The following TIAM2 variants were observed in gnomAD, a reference collection of about 807,000 sequenced individuals.
TIAM2 encodes TIAM Rac1 associated GEF 2.
TIAM2 carries 80 observed loss-of-function variants against 152.9 expected under a neutral mutation model. That is an observed-to-expected ratio of 0.52 (90% CI 0.44 to 0.63). The LOEUF is 0.63. Ranked by LOEUF, TIAM2 falls within the 30% of genes least tolerant of loss-of-function variation. The pLI is 0.00. For synonymous variants in TIAM2, 804 were observed against 838.0 expected (o/e 0.96, Z 0.70); for missense variants, 1,965 against 2,120.1 (o/e 0.93, Z 1.44).
chr6:155,029,992 C>T (rs543437225), intron 1 of TIAM2, among the ~76,000 whole-genome samples: 1 of 151,806 alleles, frequency 6.6e-6, no homozygotes, highest in Non-Finnish European at 1.5e-5. Context: ...GGGGGTCTCA[C>T]CATGTTGCCC....
intron 14 of TIAM2, among the ~76,000 whole-genome samples, chr6:155,193,494 G>T (rs2115170756): frequency 6.6e-6 from 1 of 152,204 alleles, no homozygotes; most frequent in Middle Eastern, 3.4e-3. Context: ...GATTTTTGTT[G>T]GACAGTTTGA....
intron 10 of TIAM2, 42 bp from the exon 11 acceptor site, chr6:155,178,997 A>G (rs183583749): frequency 5.5e-6 from 8 of 1,455,812 alleles, no homozygotes; most frequent in Middle Eastern, 3.5e-4. Context: ...ATGGATTTAG[A>G]AAGAGCATTT....
intron 2 of TIAM2, among the ~76,000 whole-genome samples, chr6:155,100,581 A>G (rs541505233): frequency 2.0e-5 from 3 of 152,188 alleles, no homozygotes; most frequent in Non-Finnish European, 4.4e-5. Flanking sequence ...TCATGCATGC[A>G]GTTACTTAAC....
At chr6:155,171,576 A>C (rs966786575) in intron 9 of TIAM2, among the ~76,000 whole-genome samples, 1 of 152,270 alleles carries the variant, frequency 6.6e-6, no homozygotes. Context: ...AAAAAACCCC[A>C]AAAAACCCCA....
chr6:155,249,481 C>T (rs1034644905), intron 20 of TIAM2, among the ~76,000 whole-genome samples: 9 of 152,180 alleles, frequency 5.9e-5, no homozygotes, highest in African/African-American at 2.2e-4. Context: ...CTTTTCTCAT[C>T]TGTAAAATGG....
chr6:155,233,712 T>C (rs1782587970), intron 15 of TIAM2, among the ~76,000 whole-genome samples: 2 of 152,170 alleles, frequency 1.3e-5, no homozygotes, highest in Admixed American at 1.3e-4. Context: ...CTCACGCCTA[T>C]AATCCCAGCA....
intron 25 of TIAM2, 134 bp from the exon 26 acceptor site, chr6:155,254,285 A>T: frequency 8.3e-7 from 1 of 1,199,400 alleles, no homozygotes; most frequent in Non-Finnish European, 1.2e-6. Flanking sequence ...GGGAGGCCAC[A>T]TGGCACTGCT....
chr6:155,224,280 T>C (rs918122728), intron 15 of TIAM2, among the ~76,000 whole-genome samples: 1 of 152,202 alleles, frequency 6.6e-6, no homozygotes, highest in African/African-American at 2.4e-5. Flanking sequence ...CAAAAGTAAG[T>C]TGTGAGAAAT....
At chr6:155,192,117 GGAGA>G (rs1781221898) in intron 14 of TIAM2, among the ~76,000 whole-genome samples, 2 of 152,148 alleles carry the variant, frequency 1.3e-5, no homozygotes, top group South Asian at 4.2e-4. Flanking sequence ...GATGAGGGAG[GGAGA>G]GAGTTGACAG....
At chr6:155,081,009 T>C (rs1253560896) in intron 1 of TIAM2, among the ~76,000 whole-genome samples, 1 of 152,196 alleles carries the variant, frequency 6.6e-6, no homozygotes, top group East Asian at 1.9e-4. Context: ...CTGAAATCAT[T>C]GTTTCCTGGA....
At chr6:154,996,516 C>A (rs1246596348) in intron 1 of TIAM2, among the ~76,000 whole-genome samples, 6 of 152,156 alleles carry the variant, frequency 3.9e-5, no homozygotes, top group African/African-American at 1.2e-4. Context: ...CTTTTGCTCC[C>A]CAAATGATGC....
intron 14 of TIAM2, among the ~76,000 whole-genome samples, chr6:155,192,587 C>A (rs76889750): frequency 2.5e-3 from 378 of 151,734 alleles, no homozygotes; most frequent in African/African-American, 8.8e-3. Context: ...ATAGTGGATC[C>A]ATTTTTATGT....
At chr6:155,038,322 A>T (rs566008661) in intron 1 of TIAM2, among the ~76,000 whole-genome samples, 1 of 152,284 alleles carries the variant, frequency 6.6e-6, no homozygotes, top group East Asian at 1.9e-4. Context: ...CTTCCCCCAG[A>T]TGGGATGCCT....
chr6:155,026,252 C>T (rs1406202555), intron 1 of TIAM2, among the ~76,000 whole-genome samples: 4 of 152,120 alleles, frequency 2.6e-5, no homozygotes, highest in Non-Finnish European at 5.9e-5. Context: ...AAACAGTATT[C>T]CCCTTAGGGA....
intron 2 of TIAM2, among the ~76,000 whole-genome samples, chr6:155,104,854 T>C (rs7749008): frequency 0.72 from 109,119 of 152,074 alleles, 39,345 homozygotes; most frequent in African/African-American, 0.79. Context: ...TGGATGTATG[T>C]GTATGTAAAA....
intron 14 of TIAM2, among the ~76,000 whole-genome samples, chr6:155,206,483 C>G (rs910114158): frequency 2.6e-5 from 4 of 152,270 alleles, no homozygotes; most frequent in Admixed American, 2.6e-4. Context: ...GATCTGCCCC[C>G]CTCAGCCTCC....
At chr6:155,176,531 G>C (rs985454622) in intron 9 of TIAM2, among the ~76,000 whole-genome samples, 2 of 152,232 alleles carry the variant, frequency 1.3e-5, no homozygotes, top group Non-Finnish European at 2.9e-5. Context: ...ACCGTTCCCA[G>C]CCGGATTGTG....
intron 1 of TIAM2, among the ~76,000 whole-genome samples, chr6:155,078,546 C>G (rs545531091): frequency 2.6e-4 from 39 of 152,314 alleles, no homozygotes; most frequent in African/African-American, 8.9e-4. Context: ...TTATGGGGAT[C>G]CTGGGCCTCC....
chr6:155,091,584 A>T (rs942485657), intron 2 of TIAM2, among the ~76,000 whole-genome samples: 1 of 152,220 alleles, frequency 6.6e-6, no homozygotes, highest in African/African-American at 2.4e-5. Context: ...ATTAGATTAG[A>T]TGCAAACAGG....
Sources: allele counts gnomAD v4.1 joint callset (sites outside exome capture counted in the v4.1 genomes callset), GRCh38; gene constraint gnomAD v4.1.1; transcripts MANE v1.5; gene names NCBI Gene and HGNC (gene_info 2026-07-23, HGNC 2026-07-21).